DST: variants seen among roughly 807,000 people sequenced by gnomAD.
DST encodes the protein bullous pemphigoid antigen.
In DST, 253 loss-of-function variants were observed where a neutral mutation model predicts 875.2. The ratio of observed to expected loss-of-function variants is 0.29; its 90% CI spans 0.26 to 0.32. The LOEUF is 0.32. Ranked by LOEUF, DST falls within the 10% of genes least tolerant of loss-of-function variation. DST has a pLI of 1.00. For missense variants in DST, 8,287 were observed against 9,111.6 expected (o/e 0.91, Z 3.68); for synonymous variants, 3,124 against 3,197.1 (o/e 0.98, Z 0.77).
At position 56,634,890 on chromosome 6, in the gene DST, T is replaced by A; in HGVS notation, c.3250A>T (p.Thr1084Ser). 3 of 1,613,762 alleles carry A rather than the reference T, an allele frequency of 1.9e-6. No individual in the cohort carries two copies. The highest frequency in any genetic ancestry group is 2.5e-6 in the Non-Finnish European group (3 of 1,179,812). Residue 1084 changes from threonine to serine, a missense_variant, in exon 25 of 104, where the codon ACA (threonine) becomes TCA (serine). Transcript: ENST00000680361. ...TTCCTTGGCTTCAGTTGAATTATTG[T>A]TTTTGCTTTTCCCATTAGGTTTGCT... The part of the protein sequence containing the change: ...TIANLMGKAK[T>S]IIQLKPRNSD...
rs568830669 is a variant in DST at position 56,564,414 on chromosome 6, A to C, written c.14006-2214T>G. Among the ~76,000 whole-genome samples the C allele has an allele frequency of 1.2e-4, 18 of 152,264 alleles. No homozygotes were observed. In the South Asian group the frequency reaches 2.5e-3, roughly 21 times the overall value. ...ACAGGAATGCTTGTGATTTTTGCACATTGGTTTTGTATCCTGAGACTTTGC... is the reference window on the plus strand; with the variant it reads ...ACAGGAATGCTTGTGATTTTTGCACCTTGGTTTTGTATCCTGAGACTTTGC... On this transcript the variant is annotated intron_variant, in intron 55 of 103. Coordinates refer to ENST00000680361, the MANE Select transcript of DST (RefSeq NM_001374736.1).
rs572309292 is a variant in DST, at chr6:56,586,090, G to C, written c.12903+6092C>G. Among the ~76,000 whole-genome samples the C allele has an allele frequency of 2.0e-3, 305 of 152,318 alleles. 1 individual carries two copies. The highest frequency in any genetic ancestry group is 7.0e-3 in the African/African-American group (289 of 41,560). ...ATATTCTGTTGATTTGGGGTGGAGA[G>C]TTCTGCAGATGTCTATTAGGTCTGC... On this transcript the variant is annotated intron_variant, in intron 49 of 103. Transcript: ENST00000680361.
chr6:56,744,428 T>C (rs2099563545), intron 4 of DST, among the ~76,000 whole-genome samples: 3 of 151,070 alleles, frequency 2.0e-5, no homozygotes, highest in South Asian at 2.1e-4. Context: ...AGAAATAATA[T>C]GGAGGGAGAA....
At chr6:56,603,532 C>T (rs772998725) in intron 41 of DST, 32 bp downstream of exon 41, 48 of 1,594,844 alleles carry the variant, frequency 3.0e-5, no homozygotes, top group Non-Finnish European at 4.0e-5. Context: ...CAGCTGACTA[C>T]CATCCATAAA....
chr6:56,530,209 T>C, intron 64 of DST, 76 bp from the exon 65 acceptor site: 2 of 1,164,676 alleles, frequency 1.7e-6, no homozygotes, highest in South Asian at 4.5e-5. Flanking sequence ...GTCATGCTCT[T>C]GCAATCTATT....
chr6:56,604,559 C>A lies in DST; in HGVS notation c.10069G>T (p.Asp3357Tyr). ...TCTTTCAACCTGCTTTTTAAGATAT[C>A]CTTTACATCCTCCACAAATACCTGA... is the stretch of plus-strand genomic sequence containing the variant. The part of the protein sequence containing the change: ...LSQVFVEDVK[D>Y]ILKSRLKEGH... The change falls in exon 40 of 104, where the codon GAT becomes TAT. Residue 3357 changes from aspartate (D) to tyrosine (Y), a missense_variant. Coordinates refer to ENST00000680361, the MANE Select transcript of DST (RefSeq NM_001374736.1). The A allele has an allele frequency of 4.3e-6, 7 of 1,611,984 alleles. No homozygotes were observed. Among genetic ancestry groups the A allele is most frequent in the Middle Eastern group, 1.7e-4 (1 of 6,046 alleles).
intron 49 of DST, among the ~76,000 whole-genome samples, chr6:56,586,997 G>A (rs1216517729): frequency 2.6e-5 from 4 of 152,098 alleles, no homozygotes; most frequent in African/African-American, 2.4e-5. Flanking sequence ...TCTAAAAAGT[G>A]GAGTGCCTCT....
chr6:56,768,769 A>T (rs770235222), intron 4 of DST, among the ~76,000 whole-genome samples: 2 of 152,210 alleles, frequency 1.3e-5, no homozygotes, highest in Non-Finnish European at 2.9e-5. Flanking sequence ...ACAGACTAAG[A>T]GAAAATATTT....
At position 56,629,261 on chromosome 6, in the gene DST, C is replaced by A. The variant is rs554214573; in HGVS notation, c.4464G>T (p.Gln1488His). The change falls in exon 32 of 104, where the codon CAG becomes CAT. Residue 1488 changes from glutamine to histidine, a missense_variant. Physicochemically the swap from Gln to His is conservative, Grantham distance 24 (BLOSUM62 0). Coordinates refer to ENST00000680361, the MANE Select transcript of DST (RefSeq NM_001374736.1). The stretch of plus-strand genomic sequence containing the variant: ...AAAAGGATACTAACCTGTTGTCAAT[C>A]TGCACATGAACATTTTGCCACCTTT... ...LVERWQNVHV[Q>H]IDNRLRDLEG... 52 of 1,613,672 alleles carry A rather than the reference C, an allele frequency of 3.2e-5. No homozygotes were observed. In the South Asian group the frequency reaches 5.7e-4, roughly 18 times the overall value.
Position 56,650,923 on chromosome 6 carries a change from C to A in DST, c.1434+3G>T. ...CTTCCGGTGTGGAAAAATCAATACT[C>A]ACATTTGCACCAATGCCTTCCCCAC... is the stretch of plus-strand genomic sequence containing the variant. On this transcript the variant is annotated splice_donor_region_variant and intron_variant, in intron 12 of 103. Transcript: ENST00000680361. 6.3e-7 allele frequency: 1 copy of A among 1,585,912 alleles called. No individual in the cohort carries two copies. Among genetic ancestry groups the A allele is most frequent in the South Asian group, 1.1e-5 (1 of 88,878 alleles).
chr6:56,570,029 A>G lies in DST; in HGVS notation c.13722-17T>C, dbSNP rs760651002. On this transcript the variant is annotated splice_polypyrimidine_tract_variant and intron_variant, in intron 53 of 103. Transcript: ENST00000680361. ...GCTTCTTTTCTACATAACAAAAATC[A>G]TACAAGAATTTAAGTCACAGAAAGA... 2.0e-6 allele frequency: 3 copies of G among 1,538,040 alleles called. No homozygotes were observed. The African/African-American group carries it at 4.2e-5, about 21-fold the overall frequency.
chr6:56,802,120 AT>A (rs889307104), intron 4 of DST, among the ~76,000 whole-genome samples: 3 of 152,096 alleles, frequency 2.0e-5, no homozygotes, highest in African/African-American at 4.8e-5. Context: ...TACCATTTCT[AT>A]TTTTTGTTTT....
chr6:56,739,168 T>C (rs1190126217), intron 4 of DST, among the ~76,000 whole-genome samples: 2 of 149,646 alleles, frequency 1.3e-5, no homozygotes, highest in Non-Finnish European at 3.0e-5. Flanking sequence ...TAGATGCCCA[T>C]TGTGTGAAAT....
At chr6:56,594,819 A>G (rs2098342882) in intron 47 of DST, among the ~76,000 whole-genome samples, 1 of 152,208 alleles carries the variant, frequency 6.6e-6, no homozygotes. Flanking sequence ...ACTCCTACAC[A>G]TCACAGGTTG....
At chr6:56,570,977 A>G (rs781121216) in intron 53 of DST, among the ~76,000 whole-genome samples, 4 of 152,328 alleles carry the variant, frequency 2.6e-5, no homozygotes, top group South Asian at 2.1e-4. Flanking sequence ...ACGTTTATGG[A>G]TGGATAAACT....
At chr6:56,543,162 C>T (rs1370819830) in intron 61 of DST, among the ~76,000 whole-genome samples, 1 of 152,254 alleles carries the variant, frequency 6.6e-6, no homozygotes, top group African/African-American at 2.4e-5. Context: ...AGAGACCGCA[C>T]TCATTTGAAT....
At position 56,463,880 on chromosome 6, in the gene DST, A is replaced by T. The variant is rs1442144318; in HGVS notation, c.22760-116T>A. 8 of 1,124,386 alleles carry T rather than the reference A, an allele frequency of 7.1e-6. No homozygotes were observed. The Admixed American group carries it at 1.3e-4, about 19-fold the overall frequency. The allele number at this position is 1,124,386 out of a possible 1,614,324, so 69.7% of individuals were successfully genotyped here. A position where few individuals can be genotyped will look rare whatever the true frequency, so the allele number is the denominator to read the frequency against. On this transcript the variant is annotated intron_variant, in intron 100 of 103. Transcript: ENST00000680361. ...CAGAGATCACGTTGAGAATTTCAAG[A>T]ACATCTTTTTGCCATGCCAACTCCA...
chr6:56,699,988 C>T (rs2099288388), intron 8 of DST, among the ~76,000 whole-genome samples: 3 of 152,196 alleles, frequency 2.0e-5, no homozygotes, highest in Admixed American at 2.0e-4. Flanking sequence ...GGATCCCCAA[C>T]CTAACCCCCA....
intron 2 of DST, among the ~76,000 whole-genome samples, chr6:56,910,189 T>C (rs924070654): frequency 1.3e-5 from 2 of 152,324 alleles, no homozygotes; most frequent in Admixed American, 1.3e-4. Context: ...TTTATAGAGA[T>C]GAGGTCTCGC....
Sources: allele counts gnomAD v4.1 joint callset (sites outside exome capture counted in the v4.1 genomes callset), GRCh38; gene constraint gnomAD v4.1.1; transcripts MANE v1.5; gene names NCBI Gene and HGNC (gene_info 2026-07-23, HGNC 2026-07-21).